Variants in COL24A1 observed in about 807,000 individuals in gnomAD.
The protein encoded by COL24A1 is collagen type XXIV alpha 1 chain.
COL24A1 carries 224 observed loss-of-function variants against 253.9 expected under a neutral mutation model. The observed-to-expected ratio is 0.88, with a 90% CI of 0.79 to 0.99. The LOEUF is 0.99. Ranked by LOEUF, COL24A1 falls within the 50% of genes least tolerant of loss-of-function variation. The pLI, the probability that COL24A1 is intolerant of heterozygous loss-of-function variation, is 0.00. For missense variants in COL24A1, 2,131 were observed against 2,068.5 expected, an observed-to-expected ratio of 1.03 and a Z score of -0.59; for synonymous variants, 685 against 673.7, an observed-to-expected ratio of 1.02 and a Z score of -0.26.
At position 86,043,560 on chromosome 1, in the gene COL24A1, G is replaced by A. The variant is rs189253451; in HGVS notation, c.1950+3265C>T. On this transcript the variant is annotated intron_variant, in intron 12 of 59. Transcript: ENST00000370571. ...CATTTTTTTTTTGAGATGGAGTCTC[G>A]CTCTGTTGCCAGGCTGGAGTGCAGT... is the stretch of plus-strand genomic sequence containing the variant. Among the ~76,000 whole-genome samples the A allele has an allele frequency of 3.2e-3, 482 of 150,788 alleles. 3 individuals carry two copies. The highest frequency in any genetic ancestry group is 5.1e-3 in the Non-Finnish European group (345 of 67,722).
At chr1:85,779,961 T>C (rs1414545949) in intron 52 of COL24A1, among the ~76,000 whole-genome samples, 1 of 152,316 alleles carries the variant, frequency 6.6e-6, no homozygotes, top group East Asian at 1.9e-4. Context: ...CACAGTAAGA[T>C]ATTTTAATTA....
At position 86,043,630 on chromosome 1, in the gene COL24A1, C is replaced by A. The variant is rs181442309; in HGVS notation, c.1950+3195G>T. 2.9e-3 allele frequency among the ~76,000 whole-genome samples: 448 copies of A among 152,114 alleles called. 3 individuals carry two copies. The highest frequency in any genetic ancestry group is 2.2e-3 in the Non-Finnish European group (149 of 67,994). ...GCAACCTCCGCCTCTTGGATTCAAGCGATTCTCCTGCCTCAGTCTCCTGAG... is the reference window on the plus strand; with the variant it reads ...GCAACCTCCGCCTCTTGGATTCAAGAGATTCTCCTGCCTCAGTCTCCTGAG... On this transcript the variant is annotated intron_variant, in intron 12 of 59. Coordinates refer to ENST00000370571, the MANE Select transcript of COL24A1 (RefSeq NM_152890.7).
chr1:85,841,561 G>T (rs1272138207), intron 41 of COL24A1, among the ~76,000 whole-genome samples: 1 of 152,062 alleles, frequency 6.6e-6, no homozygotes, highest in African/African-American at 2.4e-5. Context: ...TAAGAATACT[G>T]CTGTAGTTAT....
intron 20 of COL24A1, among the ~76,000 whole-genome samples, chr1:85,978,815 C>T (rs1692956356): frequency 6.6e-6 from 1 of 152,064 alleles, no homozygotes; most frequent in African/African-American, 2.4e-5. Context: ...AAGTGAACTT[C>T]ATCTATGCCC....
At chr1:86,020,057 CTTTCTTTTTTTT>C (rs1697359750) in intron 18 of COL24A1, among the ~76,000 whole-genome samples, 1 of 82,320 alleles carries the variant, frequency 1.2e-5, no homozygotes, top group Non-Finnish European at 2.3e-5. Flanking sequence ...TTTTTTCATT[CTTTCTTTTTTTT>C]TTTTTTTTTT....
At chr1:85,778,856 G>A (rs540584813) in intron 52 of COL24A1, among the ~76,000 whole-genome samples, 4 of 151,664 alleles carry the variant, frequency 2.6e-5, no homozygotes, top group African/African-American at 4.8e-5. Context: ...TGCCCACCTC[G>A]GCCTCCCAAA....
chr1:85,844,221 T>C (rs1157603819), intron 39 of COL24A1, among the ~76,000 whole-genome samples: 1 of 148,668 alleles, frequency 6.7e-6, no homozygotes, highest in Non-Finnish European at 1.5e-5. Context: ...GCAGAAATCA[T>C]ATAGGTCACA....
chr1:86,051,830 C>T (rs565260885), intron 10 of COL24A1, among the ~76,000 whole-genome samples: 137 of 151,988 alleles, frequency 9.0e-4, no homozygotes, highest in African/African-American at 3.2e-3. Context: ...ATATGGAAAA[C>T]AAATAGAAAA....
At chr1:86,105,091 G>A (rs1704839792) in intron 5 of COL24A1, among the ~76,000 whole-genome samples, 1 of 152,148 alleles carries the variant, frequency 6.6e-6, no homozygotes, top group Admixed American at 6.5e-5. Flanking sequence ...ACTGTTCTTT[G>A]TGCCTAGTTT....
At chr1:85,896,210 G>C in intron 29 of COL24A1, 145 bp from the exon 30 acceptor site, 3 of 1,170,596 alleles carry the variant, frequency 2.6e-6, no homozygotes, top group Non-Finnish European at 3.7e-6. Flanking sequence ...TGCCTGTGTA[G>C]TAAAAACTTT....
At chr1:86,068,455 T>A (rs1486215270) in intron 7 of COL24A1, among the ~76,000 whole-genome samples, 1 of 152,168 alleles carries the variant, frequency 6.6e-6, no homozygotes, top group Admixed American at 6.5e-5. Context: ...GAATCGCACA[T>A]CCTCAAGGAA....
Position 86,131,453 on chromosome 1 carries a change from G to C in COL24A1, c.122-5239C>G, listed in dbSNP as rs185772364. ...ATGTACACATGTGCCATGTTGGTGT[G>C]CTGCACCCATTAACTCGTCATTAAC... On this transcript the variant is annotated intron_variant, in intron 2 of 59. Coordinates refer to ENST00000370571, the MANE Select transcript of COL24A1 (RefSeq NM_152890.7). Among the ~76,000 whole-genome samples the C allele has an allele frequency of 2.6e-5, 4 of 151,944 alleles. No individual in the cohort carries two copies. The East Asian group carries it at 5.8e-4, about 22-fold the overall frequency.
chr1:85,832,961 A>G (rs1030201188), intron 43 of COL24A1, among the ~76,000 whole-genome samples: 20 of 151,414 alleles, frequency 1.3e-4, no homozygotes, highest in Non-Finnish European at 1.0e-4. Flanking sequence ...TTCCAACACT[A>G]TGTTGAATAG....
chr1:86,023,223 A>G (rs1697723846), intron 14 of COL24A1, among the ~76,000 whole-genome samples: 1 of 152,172 alleles, frequency 6.6e-6, no homozygotes, highest in African/African-American at 2.4e-5. Flanking sequence ...AAACCTTTTC[A>G]TATTTGTCTA....
chr1:86,013,070 T>A (rs1264437689), intron 19 of COL24A1, among the ~76,000 whole-genome samples: 2 of 152,220 alleles, frequency 1.3e-5, no homozygotes, highest in Non-Finnish European at 2.9e-5. Flanking sequence ...TTGGTACTAT[T>A]AATATTTCTG....
chr1:85,997,059 A>ATATG (rs1694882590), intron 19 of COL24A1, among the ~76,000 whole-genome samples: 1 of 59,344 alleles, frequency 1.7e-5, no homozygotes, highest in South Asian at 5.4e-4. Context: ...GTGTGTGTAT[A>ATATG]TATATATATA....
At chr1:85,848,959 A>ACT (rs1677452523) in intron 38 of COL24A1, among the ~76,000 whole-genome samples, 2 of 152,232 alleles carry the variant, frequency 1.3e-5, no homozygotes, top group African/African-American at 4.8e-5. Flanking sequence ...CAACTTAGAA[A>ACT]AACACATTGA....
chr1:85,989,311 C>T (rs1397304352), intron 19 of COL24A1, among the ~76,000 whole-genome samples: 1 of 152,014 alleles, frequency 6.6e-6, no homozygotes, highest in African/African-American at 2.4e-5. Context: ...ACAGATTTTT[C>T]ATATGCTTTG....
Position 86,115,342 on chromosome 1 carries a change from C to T in COL24A1, c.1528G>A (p.Gly510Arg). 1 of 1,613,996 alleles carries T rather than the reference C, an allele frequency of 6.2e-7. No individual in the cohort carries two copies. ...PGPAGIPGPS[G>R]KRGPRGIPGP... is the part of the protein sequence containing the mutation. Reference sequence around the variant, plus strand: ...CTACTTACCCGTGGACCTCTCTTCCCTGACGGACCTGGGATACCTGCTGGA... The same window carrying T: ...CTACTTACCCGTGGACCTCTCTTCCTTGACGGACCTGGGATACCTGCTGGA... The change falls in exon 4 of 60, where the codon GGG (glycine) becomes AGG (arginine). Residue 510 changes from glycine to arginine, a missense_variant. Physicochemically the swap from Gly to Arg is moderately radical, Grantham distance 125 (BLOSUM62 -2). Coordinates refer to ENST00000370571, the MANE Select transcript of COL24A1 (RefSeq NM_152890.7).
Sources: gnomAD v4.1 joint callset for allele counts (sites outside exome capture counted in the v4.1 genomes callset) on GRCh38, gnomAD v4.1.1 for gene constraint, MANE v1.5 for transcripts, NCBI Gene and HGNC (gene_info 2026-07-23, HGNC 2026-07-21) for gene names.